Variants in PRKG1 observed in about 807,000 individuals in gnomAD.
PRKG1 encodes cGMP-dependent protein kinase 1.
PRKG1 carries 35 observed loss-of-function variants against 88.1 expected under a neutral mutation model. The ratio of observed to expected loss-of-function variants is 0.40; its 90% CI spans 0.30 to 0.53. The LOEUF (loss-of-function observed/expected upper bound fraction) is 0.53, where lower values mean the gene tolerates loss of function less well. Ranked by LOEUF, PRKG1 falls within the 20% of genes least tolerant of loss-of-function variation. The pLI, the probability that PRKG1 is intolerant of heterozygous loss-of-function variation, is 0.59. For synonymous variants in PRKG1, 303 were observed against 292.5 expected (o/e 1.04, Z -0.37); for missense variants, 540 against 839.8 (o/e 0.64, Z 4.41).
At chr10:51,480,121 T>C (rs188221560) in intron 3 of PRKG1, among the ~76,000 whole-genome samples, 8 of 152,290 alleles carry the variant, frequency 5.3e-5, no homozygotes, top group African/African-American at 1.9e-4. Flanking sequence ...TTAAGGCATA[T>C]AAATTCATGG....
chr10:51,186,662 C>A (rs920285749), intron 2 of PRKG1, among the ~76,000 whole-genome samples: 2 of 151,772 alleles, frequency 1.3e-5, no homozygotes, highest in African/African-American at 2.4e-5. Flanking sequence ...AAATGTGCTT[C>A]CTCTGCTTGA....
rs557447594 is a variant in PRKG1 at position 51,569,871 on chromosome 10, A to G, written c.592+102035A>G. The stretch of plus-strand genomic sequence containing the variant: ...CGGACAGTTCTGCCAGGTGCATGGT[A>G]GGCCGGTTTTACCAGCTAGTATGGT... On this transcript the variant is annotated intron_variant, in intron 3 of 17. Transcript: ENST00000373980. 4.6e-5 allele frequency among the ~76,000 whole-genome samples: 7 copies of G among 152,046 alleles called. No individual in the cohort carries two copies. The East Asian group carries it at 1.4e-3, about 30-fold the overall frequency.
intron 3 of PRKG1, among the ~76,000 whole-genome samples, chr10:51,541,495 C>G (rs1412235888): frequency 6.6e-6 from 1 of 152,114 alleles, no homozygotes; most frequent in Non-Finnish European, 1.5e-5. Flanking sequence ...TTCTTTTGAG[C>G]TTTCTTACCA....
chr10:52,151,291 T>A (rs532335060), intron 8 of PRKG1, among the ~76,000 whole-genome samples: 1 of 152,276 alleles, frequency 6.6e-6, no homozygotes, highest in East Asian at 1.9e-4. Flanking sequence ...GAAAATTTTT[T>A]AATAGATAAG....
At chr10:52,009,416 A>G (rs1392369184) in intron 5 of PRKG1, among the ~76,000 whole-genome samples, 1 of 152,124 alleles carries the variant, frequency 6.6e-6, no homozygotes, top group African/African-American at 2.4e-5. Flanking sequence ...GTGAAATTCC[A>G]TTCATGACTG....
At chr10:51,055,530 G>A (rs1009158102) in intron 1 of PRKG1, among the ~76,000 whole-genome samples, 4 of 151,528 alleles carry the variant, frequency 2.6e-5, no homozygotes, top group East Asian at 1.9e-4. Flanking sequence ...TCAGGAGATC[G>A]AGACCATCCT....
chr10:51,797,269 T>C (rs1200803415), intron 3 of PRKG1, among the ~76,000 whole-genome samples: 1 of 150,008 alleles, frequency 6.7e-6, no homozygotes, highest in East Asian at 1.9e-4. Flanking sequence ...GCCAAGTAAA[T>C]ACATCTGATC....
Position 52,163,249 on chromosome 10 carries a change from A to T in PRKG1, c.1076+1286A>T, listed in dbSNP as rs534068614. On this transcript the variant is annotated intron_variant, in intron 9 of 17. Transcript: ENST00000373980. The stretch of plus-strand genomic sequence containing the variant: ...TTTGTGTGTGTGTGTGTGTGTGTGT[A>T]TTCAGTTAAGGGTCTCATTGGTCAT... Among the ~76,000 whole-genome samples, 108 of 144,982 alleles carry T rather than the reference A, an allele frequency of 7.4e-4. No homozygotes were observed. In the South Asian group the frequency reaches 0.01, roughly 14 times the overall value.
intron 3 of PRKG1, among the ~76,000 whole-genome samples, chr10:51,671,752 A>T (rs970958523): frequency 1.3e-5 from 2 of 151,956 alleles, no homozygotes; most frequent in Non-Finnish European, 2.9e-5. Flanking sequence ...ATGCCCAGCT[A>T]ATTTTTTGTA....
At chr10:52,029,065 T>C (rs1489181920) in intron 5 of PRKG1, among the ~76,000 whole-genome samples, 3 of 152,252 alleles carry the variant, frequency 2.0e-5, no homozygotes, top group Non-Finnish European at 2.9e-5. Flanking sequence ...TGTTGTGCTG[T>C]GACCCAAGGT....
chr10:51,069,062 G>A (rs1843789063), intron 1 of PRKG1, among the ~76,000 whole-genome samples: 1 of 151,852 alleles, frequency 6.6e-6, no homozygotes, highest in Non-Finnish European at 1.5e-5. Flanking sequence ...ATGAGAACTA[G>A]TTTAGCCTGA....
At chr10:51,825,260 A>AT (rs1044041168) in intron 4 of PRKG1, among the ~76,000 whole-genome samples, 5 of 152,294 alleles carry the variant, frequency 3.3e-5, no homozygotes, top group African/African-American at 1.2e-4. Flanking sequence ...CCAACTAAGT[A>AT]TTTTTAGATT....
At chr10:51,247,937 A>G (rs1839334863) in intron 2 of PRKG1, among the ~76,000 whole-genome samples, 1 of 151,850 alleles carries the variant, frequency 6.6e-6, no homozygotes, top group African/African-American at 2.4e-5. Flanking sequence ...CAACTCTCTC[A>G]TGTAATCTTC....
At chr10:51,894,465 A>G (rs142017663) in intron 4 of PRKG1, among the ~76,000 whole-genome samples, 319 of 152,322 alleles carry the variant, frequency 2.1e-3, no homozygotes, top group African/African-American at 7.2e-3. Context: ...CTGGAGACAG[A>G]CAGTGGTGAT....
At chr10:51,657,295 A>G (rs913951290) in intron 3 of PRKG1, among the ~76,000 whole-genome samples, 1 of 152,124 alleles carries the variant, frequency 6.6e-6, no homozygotes, top group African/African-American at 2.4e-5. Flanking sequence ...ACACTTAGCC[A>G]CTAAGCTCAA....
chr10:51,751,947 G>T (rs1179521284), intron 3 of PRKG1, among the ~76,000 whole-genome samples: 1 of 152,116 alleles, frequency 6.6e-6, no homozygotes, highest in Non-Finnish European at 1.5e-5. Flanking sequence ...AATAGTCAGT[G>T]CATATACATT....
chr10:52,047,364 A>T (rs1310231375), intron 5 of PRKG1, among the ~76,000 whole-genome samples: 1 of 152,106 alleles, frequency 6.6e-6, no homozygotes, highest in Non-Finnish European at 1.5e-5. Flanking sequence ...GTGCACTGAA[A>T]AATATTGCTG....
At chr10:51,742,414 C>T (rs925399950) in intron 3 of PRKG1, among the ~76,000 whole-genome samples, 4 of 151,986 alleles carry the variant, frequency 2.6e-5, no homozygotes, top group African/African-American at 4.8e-5. Context: ...GCTTAATAGC[C>T]GTGAGATAAG....
chr10:52,078,150 T>A (rs911253755), intron 7 of PRKG1, among the ~76,000 whole-genome samples: 1 of 152,192 alleles, frequency 6.6e-6, no homozygotes, highest in Non-Finnish European at 1.5e-5. Flanking sequence ...ACCGCCTACA[T>A]CCATATGCAC....
Sources: allele counts gnomAD v4.1 joint callset (sites outside exome capture counted in the v4.1 genomes callset), GRCh38; gene constraint gnomAD v4.1.1; transcripts MANE v1.5; gene names NCBI Gene and HGNC (gene_info 2026-07-23, HGNC 2026-07-21).